FNDC3B: variants seen among roughly 807,000 people sequenced by gnomAD.
FNDC3B encodes the protein fibronectin type III domain-containing protein 3B.
FNDC3B carries 12 observed loss-of-function variants against 151.5 expected under a neutral mutation model. The observed-to-expected ratio is 0.08, with a 90% confidence interval of 0.05 to 0.13. The LOEUF is 0.13. Among genes scored for constraint, FNDC3B ranks in the 10% least tolerant of loss-of-function variants. The pLI, the probability that FNDC3B is intolerant of heterozygous loss-of-function variation, is 1.00. For synonymous variants in FNDC3B, 528 were observed against 549.0 expected, an observed-to-expected ratio of 0.96 and a Z score of 0.54; for missense variants, 1,214 against 1,505.3, an observed-to-expected ratio of 0.81 and a Z score of 3.20.
chr3:172,270,607 C>T (rs1193463633), intron 6 of FNDC3B, among the ~76,000 whole-genome samples: 1 of 152,174 alleles, frequency 6.6e-6, no homozygotes, highest in East Asian at 1.9e-4. Flanking sequence ...CATCACATCA[C>T]GCTTCTCTAC....
intron 3 of FNDC3B, among the ~76,000 whole-genome samples, chr3:172,177,497 C>T (rs1290944588): frequency 6.6e-6 from 1 of 152,090 alleles, no homozygotes; most frequent in Non-Finnish European, 1.5e-5. Context: ...AAGGGATTCT[C>T]AAACATCTGT....
chr3:172,163,628 A>G (rs544681232), intron 3 of FNDC3B, among the ~76,000 whole-genome samples: 2 of 152,138 alleles, frequency 1.3e-5, no homozygotes, highest in Non-Finnish European at 2.9e-5. Context: ...TTTGCTTAAC[A>G]TTTCAAAGAT....
At chr3:172,216,111 AAAG>A (rs1479133232) in intron 3 of FNDC3B, among the ~76,000 whole-genome samples, 1 of 152,134 alleles carries the variant, frequency 6.6e-6, no homozygotes, top group African/African-American at 2.4e-5. Context: ...GTTTGCTTTT[AAAG>A]GTTTTGAAAT....
At chr3:172,174,264 A>G (rs1723435743) in intron 3 of FNDC3B, among the ~76,000 whole-genome samples, 2 of 152,226 alleles carry the variant, frequency 1.3e-5, no homozygotes, top group Admixed American at 1.3e-4. Context: ...TTAAGTTTCC[A>G]AATACTGAGC....
chr3:172,242,394 C>T (rs1274461970), intron 4 of FNDC3B, among the ~76,000 whole-genome samples: 2 of 152,206 alleles, frequency 1.3e-5, no homozygotes, highest in African/African-American at 2.4e-5. Flanking sequence ...ATGACAGCCC[C>T]ACTCTGCAGC....
intron 6 of FNDC3B, among the ~76,000 whole-genome samples, chr3:172,254,293 T>C (rs1486045903): frequency 6.6e-6 from 1 of 152,136 alleles, no homozygotes; most frequent in African/African-American, 2.4e-5. Flanking sequence ...TTTAAAGCAA[T>C]AGAGATTCAT....
intron 22 of FNDC3B, among the ~76,000 whole-genome samples, chr3:172,357,770 TTAGAAA>T (rs1439686000): frequency 1.3e-5 from 2 of 152,316 alleles, no homozygotes; most frequent in Admixed American, 1.3e-4. Flanking sequence ...TACATCATCA[TTAGAAA>T]TAATTAATGT....
chr3:172,067,100 G>T (rs528166964), intron 1 of FNDC3B, among the ~76,000 whole-genome samples: 3 of 152,252 alleles, frequency 2.0e-5, no homozygotes, highest in African/African-American at 7.2e-5. Context: ...ATAAGACTTG[G>T]TCCGCAGTCT....
chr3:172,184,554 C>G (rs184532921), intron 3 of FNDC3B, among the ~76,000 whole-genome samples: 1 of 152,120 alleles, frequency 6.6e-6, no homozygotes, highest in East Asian at 1.9e-4. Context: ...AAATCCAGGA[C>G]CTATCAAGTT....
intron 22 of FNDC3B, among the ~76,000 whole-genome samples, chr3:172,355,961 T>A (rs1339137673): frequency 6.6e-6 from 1 of 152,198 alleles, no homozygotes; most frequent in Non-Finnish European, 1.5e-5. Flanking sequence ...TGCCTGAGAT[T>A]ACTTTTTTTT....
At chr3:172,274,757 C>T (rs1378114767) in intron 6 of FNDC3B, among the ~76,000 whole-genome samples, 2 of 152,178 alleles carry the variant, frequency 1.3e-5, no homozygotes, top group South Asian at 2.1e-4. Flanking sequence ...TTCTAGGCCT[C>T]TGTCTTTGAC....
chr3:172,239,856 C>CTTTTTTT lies in FNDC3B; in HGVS notation c.265-7653_265-7647dup, dbSNP rs71179981. ...TGTTTTTAGGAGATCCATTTTAGTT[C>CTTTTTTT]TTTTTTTTTTTTTTTTTTTTTTTTT... On this transcript the variant is annotated intron_variant, in intron 4 of 25. Transcript: ENST00000415807. 4.5e-3 allele frequency among the ~76,000 whole-genome samples: 225 copies of CTTTTTTT among 49,918 alleles called. 33 individuals are homozygous for CTTTTTTT. The highest frequency in any genetic ancestry group is 0.024 in the Middle Eastern group (1 of 42). 32.7% of individuals were successfully genotyped at this position (49,918 alleles called of 152,430 possible).
intron 3 of FNDC3B, among the ~76,000 whole-genome samples, chr3:172,205,075 G>A (rs550129417): frequency 4.8e-4 from 73 of 152,176 alleles, no homozygotes; most frequent in African/African-American, 1.5e-3. Flanking sequence ...CCGTTGCCTG[G>A]CCTTAGTCAG....
intron 21 of FNDC3B, among the ~76,000 whole-genome samples, chr3:172,350,921 A>C (rs1455143945): frequency 6.6e-6 from 1 of 152,244 alleles, no homozygotes; most frequent in Non-Finnish European, 1.5e-5. Flanking sequence ...CCAATAAGCT[A>C]AATGAAAACT....
At chr3:172,158,060 G>A (rs1287916985) in intron 3 of FNDC3B, among the ~76,000 whole-genome samples, 2 of 152,122 alleles carry the variant, frequency 1.3e-5, no homozygotes, top group African/African-American at 4.8e-5. Context: ...ATGAGGAACG[G>A]GCTTTCACCA....
intron 6 of FNDC3B, among the ~76,000 whole-genome samples, chr3:172,271,789 C>T (rs1377409788): frequency 6.6e-6 from 1 of 152,206 alleles, no homozygotes; most frequent in Non-Finnish European, 1.5e-5. Context: ...ACAGGCTCTG[C>T]TTTGAGAATT....
At chr3:172,224,389 A>C (rs1726445098) in intron 3 of FNDC3B, among the ~76,000 whole-genome samples, 2 of 152,356 alleles carry the variant, frequency 1.3e-5, no homozygotes, top group South Asian at 2.1e-4. Context: ...CCAATGTGTT[A>C]GCATGTGAGA....
At chr3:172,259,160 A>C (rs1196652456) in intron 6 of FNDC3B, among the ~76,000 whole-genome samples, 1 of 152,256 alleles carries the variant, frequency 6.6e-6, no homozygotes, top group Non-Finnish European at 1.5e-5. Context: ...AAAAGTTAAA[A>C]GTGAGCTCAG....
At chr3:172,140,707 T>C (rs954168891) in intron 3 of FNDC3B, among the ~76,000 whole-genome samples, 1 of 152,174 alleles carries the variant, frequency 6.6e-6, no homozygotes, top group Non-Finnish European at 1.5e-5. Context: ...TTGCTGGGAT[T>C]GTGTAATGTC....
Sources: allele counts gnomAD v4.1 joint callset (sites outside exome capture counted in the v4.1 genomes callset), GRCh38; gene constraint gnomAD v4.1.1; transcripts MANE v1.5; gene names NCBI Gene and HGNC (gene_info 2026-07-23, HGNC 2026-07-21).